Variants in LSM14B observed in about 807,000 individuals in gnomAD.
The protein encoded by LSM14B is protein LSM14 homolog B.
In LSM14B, 8 loss-of-function variants were observed where a neutral mutation model predicts 42.1. The ratio of observed to expected loss-of-function variants is 0.19; its 90% CI spans 0.11 to 0.34. The LOEUF (loss-of-function observed/expected upper bound fraction) is 0.34, where lower values mean the gene tolerates loss of function less well. Ranked by LOEUF, LSM14B falls within the 10% of genes least tolerant of loss-of-function variation. The probability of loss-of-function intolerance (pLI) is 1.00; values close to 1 mark genes in which losing one functional copy is unlikely to be tolerated. For missense variants in LSM14B, 396 were observed against 513.1 expected (o/e 0.77, Z 2.21); for synonymous variants, 219 against 209.7 (o/e 1.04, Z -0.38).
intron 1 of LSM14B, among the ~76,000 whole-genome samples, chr20:62,123,637 A>C (rs1213391585): frequency 6.6e-6 from 1 of 152,230 alleles, no homozygotes; most frequent in Non-Finnish European, 1.5e-5. Context: ...CTCAGAGAAA[A>C]GTGCCCGTGG....
At chr20:62,126,950 T>C (rs1437142337) in intron 3 of LSM14B, among the ~76,000 whole-genome samples, 1 of 152,056 alleles carries the variant, frequency 6.6e-6, no homozygotes, top group Non-Finnish European at 1.5e-5. Context: ...TGAACTGAGA[T>C]TGCACCACTG....
chr20:62,134,473 A>AT lies in LSM14B; in HGVS notation c.*325_*326insT. 1.8e-5 allele frequency: 2 copies of AT among 108,304 alleles called. No individual in the cohort carries two copies. The highest frequency in any genetic ancestry group is 4.0e-5 in the Non-Finnish European group (2 of 50,490). 6.7% of individuals were successfully genotyped at this position (108,304 alleles called of 1,614,324 possible). A position where few individuals can be genotyped will look rare whatever the true frequency, so the allele number is the denominator to read the frequency against. The stretch of plus-strand genomic sequence containing the variant: ...GTGAAAGCTGAATCCTTACTTTGTG[A>AT]CTTTTTTTTTTTTTTTTAATGACAA... On this transcript the variant is annotated 3_prime_UTR_variant, in exon 9 of 9. Coordinates refer to ENST00000279068, the MANE Select transcript of LSM14B (RefSeq NM_144703.3).
chr20:62,134,410 A>T lies in LSM14B; in HGVS notation c.*262A>T. The T allele has an allele frequency of 2.5e-6, 1 of 403,642 alleles. No homozygotes were observed. Among genetic ancestry groups the T allele is most frequent in the Non-Finnish European group, 5.1e-6 (1 of 197,968 alleles). 25.0% of individuals were successfully genotyped at this position (403,642 alleles called of 1,614,324 possible). On this transcript the variant is annotated 3_prime_UTR_variant, in exon 9 of 9. Transcript: ENST00000279068. ...TTCCTTTTTAGTTGCGCATAGCCTA[A>T]TTCTAAGGTTTTGGTATTTTGCAAA...
intron 3 of LSM14B, chr20:62,128,897 C>G: frequency 1.6e-6 from 2 of 1,233,068 alleles, no homozygotes; most frequent in Non-Finnish European, 2.2e-6. Flanking sequence ...TTGGGCTGTT[C>G]GTCTAATAAT....
intron 2 of LSM14B, among the ~76,000 whole-genome samples, chr20:62,125,135 T>C (rs375010279): frequency 9.7e-4 from 148 of 152,284 alleles, no homozygotes; most frequent in African/African-American, 3.3e-3. Flanking sequence ...CGCCTTGGCC[T>C]CCCAAAGTGC....
rs762227916 is a variant in LSM14B, at chr20:62,122,829, C to A, written c.127+36C>A. On this transcript the variant is annotated intron_variant, in intron 1 of 8. Transcript: ENST00000279068. This position sits in a 1 kb window ranked among gnomAD's most constrained non-coding sequence, Gnocchi z 4.6. ...CCGCCCGCCCGAGCCCGCTGACCCC[C>A]GTCCGCCAACAGCCCCGGCCTGCGG... 4.8e-6 allele frequency: 7 copies of A among 1,458,784 alleles called. No individual in the cohort carries two copies. The South Asian group carries it at 7.6e-5, about 16-fold the overall frequency. The allele number at this position is 1,458,784 out of a possible 1,614,324, so 90.4% of individuals were successfully genotyped here. A position where few individuals can be genotyped will look rare whatever the true frequency, so the allele number is the denominator to read the frequency against.
intron 2 of LSM14B, among the ~76,000 whole-genome samples, chr20:62,125,268 A>G (rs1349981566): frequency 1.3e-5 from 2 of 152,220 alleles, no homozygotes; most frequent in Non-Finnish European, 2.9e-5. Flanking sequence ...TAGCACACAC[A>G]GTAGGTGGTG....
Position 62,122,483 on chromosome 20 carries a change from G to A in LSM14B, c.-184G>A. The A allele has an allele frequency of 4.1e-6, 1 of 241,330 alleles. No individual in the cohort carries two copies. Among genetic ancestry groups the A allele is most frequent in the Non-Finnish European group, 6.7e-6 (1 of 149,888 alleles). 14.9% of individuals were successfully genotyped at this position (241,330 alleles called of 1,614,324 possible). A position where few individuals can be genotyped will look rare whatever the true frequency, so the allele number is the denominator to read the frequency against. ...GCTCCTCTCAGAGCCCCAGTCGCGC[G>A]CCCCTTCTTGGTTCGCTCGGTGCCC... is the stretch of plus-strand genomic sequence containing the variant. On this transcript the variant is annotated 5_prime_UTR_variant, in exon 1 of 9. Transcript: ENST00000279068. This position sits in a 1 kb window ranked among gnomAD's most constrained non-coding sequence, Gnocchi z 4.6.
intron 1 of LSM14B, among the ~76,000 whole-genome samples, chr20:62,123,798 C>G (rs1017840828): frequency 1.6e-4 from 24 of 152,200 alleles, no homozygotes; most frequent in African/African-American, 5.6e-4. Context: ...GGAGTGTCTC[C>G]TTTTGAAGCC....
Position 62,129,116 on chromosome 20 carries a change from A to G in LSM14B, c.428-669A>G, listed in dbSNP as rs564687440. 5.8e-3 allele frequency: 4,471 copies of G among 766,932 alleles called. 22 individuals are homozygous for G. Among genetic ancestry groups the G allele is most frequent in the Middle Eastern group, 8.5e-3 (18 of 2,114 alleles). 47.5% of individuals were successfully genotyped at this position (766,932 alleles called of 1,614,324 possible). A position where few individuals can be genotyped will look rare whatever the true frequency, so the allele number is the denominator to read the frequency against. On this transcript the variant is annotated intron_variant, in intron 3 of 8. Transcript: ENST00000279068. ...CCCCTGTGCGTGGGCCTCGGACTGC[A>G]GTTTCATAGGCATAGCCCCTTGCCA...
At chr20:62,126,177 C>G in intron 2 of LSM14B, 127 bp from the exon 3 acceptor site, 1 of 1,422,848 alleles carries the variant, frequency 7.0e-7, no homozygotes, top group Non-Finnish European at 9.7e-7. Context: ...CCAAGGGCTC[C>G]TCCAGCATCT....
Position 62,132,630 on chromosome 20 carries a change from C to T in LSM14B, c.987-660C>T, listed in dbSNP as rs183605959. Among the ~76,000 whole-genome samples, 374 of 152,242 alleles carry T rather than the reference C, an allele frequency of 2.5e-3. 2 individuals carry two copies. The highest frequency in any genetic ancestry group is 3.1e-3 in the Non-Finnish European group (210 of 68,016). On this transcript the variant is annotated intron_variant, in intron 7 of 8. Transcript: ENST00000279068. ...TGACTCCTAAGTCTTTTGGCCTGGG[C>T]GGCTGATGGGTGGAGTTGCTGTTTC...
intron 3 of LSM14B, among the ~76,000 whole-genome samples, chr20:62,127,341 G>A (rs2056636479): frequency 6.6e-6 from 1 of 152,248 alleles, no homozygotes; most frequent in East Asian, 1.9e-4. Flanking sequence ...GAAGTAGTGA[G>A]ACAGGGAACC....
At position 62,130,723 on chromosome 20, in the gene LSM14B, C is replaced by A. The variant is rs1355744622; in HGVS notation, c.835+32C>A. The A allele has an allele frequency of 6.2e-7, 1 of 1,602,892 alleles. No homozygotes were observed. Among genetic ancestry groups the A allele is most frequent in the Non-Finnish European group, 8.5e-7 (1 of 1,175,368 alleles). ...CTCATTATATGAAAATTATTCTCTG[C>A]ACAGGAGTACCCCTAGAGAGTGTTA... On this transcript the variant is annotated intron_variant, in intron 6 of 8. Transcript: ENST00000279068. The surrounding 1 kb of genome is among the most constrained non-coding windows in gnomAD (Gnocchi z 4.1).
At chr20:62,127,218 C>T (rs1019002581) in intron 3 of LSM14B, among the ~76,000 whole-genome samples, 2 of 152,204 alleles carry the variant, frequency 1.3e-5, no homozygotes, top group Non-Finnish European at 2.9e-5. Context: ...TGATTCTATT[C>T]TCCATATGTA....
intron 7 of LSM14B, 41 bp downstream of exon 7, chr20:62,131,547 C>G (rs368863300): frequency 9.3e-6 from 15 of 1,605,002 alleles, no homozygotes; most frequent in Non-Finnish European, 1.1e-5. Flanking sequence ...GTCCTCCAAT[C>G]TAGAAAGGAC....
At chr20:62,126,928 C>T (rs2056624514) in intron 3 of LSM14B, among the ~76,000 whole-genome samples, 1 of 152,096 alleles carries the variant, frequency 6.6e-6, no homozygotes, top group Admixed American at 6.5e-5. Context: ...ACCTGGGAGG[C>T]AGAGGTTGCA....
At chr20:62,134,108 G>A in intron 8 of LSM14B, 55 bp from the exon 9 acceptor site, 1 of 389,422 alleles carries the variant, frequency 2.6e-6, no homozygotes, top group South Asian at 2.0e-5. Flanking sequence ...CGCCAGCAGG[G>A]GCAACAGTGC....
chr20:62,131,271 C>G (rs1053491802), intron 6 of LSM14B, 85 bp from the exon 7 acceptor site: 1 of 1,460,984 alleles, frequency 6.8e-7, no homozygotes, highest in Non-Finnish European at 9.1e-7. Context: ...GGGTGGCTTC[C>G]GAGTGAGCCC....
Sources: allele counts gnomAD v4.1 joint callset (sites outside exome capture counted in the v4.1 genomes callset), GRCh38; gene constraint gnomAD v4.1.1; non-coding constraint Gnocchi (gnomAD v3.1); transcripts MANE v1.5; gene names NCBI Gene and HGNC (gene_info 2026-07-23, HGNC 2026-07-21).